Variants in PLGRKT observed in about 807,000 individuals in gnomAD.
PLGRKT encodes plasminogen receptor (KT).
In PLGRKT, 22 loss-of-function variants were observed where a neutral mutation model predicts 18.5. The ratio of observed to expected loss-of-function variants is 1.19; its 90% CI spans 0.85 to 1.70. The LOEUF (loss-of-function observed/expected upper bound fraction) is 1.70, where lower values mean the gene tolerates loss of function less well. Among genes scored for constraint, PLGRKT ranks in the 40% most tolerant of loss-of-function variants. The pLI is 0.00. For missense variants in PLGRKT, 235 were observed against 174.4 expected, an observed-to-expected ratio of 1.35 and a Z score of -1.96; for synonymous variants, 72 against 52.8, an observed-to-expected ratio of 1.36 and a Z score of -1.58.
At chr9:5,375,573 A>C (rs1330254096) in intron 3 of PLGRKT, among the ~76,000 whole-genome samples, 1 of 152,226 alleles carries the variant, frequency 6.6e-6, no homozygotes, top group Non-Finnish European at 1.5e-5. Context: ...CAAGGAAGGC[A>C]GGGAAAATAA....
chr9:5,361,251 C>A (rs1291121610), intron 4 of PLGRKT, 64 bp from the exon 5 acceptor site: 4 of 867,498 alleles, frequency 4.6e-6, no homozygotes, highest in Non-Finnish European at 7.4e-6. Flanking sequence ...TATCTGTATA[C>A]TTAAAGAAAA....
At chr9:5,402,548 C>G (rs1394804544) in intron 3 of PLGRKT, among the ~76,000 whole-genome samples, 1 of 151,888 alleles carries the variant, frequency 6.6e-6, no homozygotes. Flanking sequence ...TGGCTGATCC[C>G]CATCAGAAGC....
intron 3 of PLGRKT, among the ~76,000 whole-genome samples, chr9:5,404,787 G>T (rs1382478770): frequency 6.6e-6 from 1 of 152,126 alleles, no homozygotes; most frequent in Non-Finnish European, 1.5e-5. Context: ...GGTCAATCAG[G>T]CAAGAGAAAG....
chr9:5,399,681 A>T (rs976534906), intron 3 of PLGRKT, among the ~76,000 whole-genome samples: 16 of 151,840 alleles, frequency 1.1e-4, no homozygotes, highest in Non-Finnish European at 2.4e-4. Context: ...TAAAAATATA[A>T]GCAAAATATG....
intron 2 of PLGRKT, among the ~76,000 whole-genome samples, chr9:5,432,607 C>T (rs1818851074): frequency 6.6e-6 from 1 of 151,634 alleles, no homozygotes; most frequent in African/African-American, 2.4e-5. Context: ...CGGTGATTCT[C>T]CTGTCTCGGC....
chr9:5,361,590 C>A (rs1246979983), intron 4 of PLGRKT, among the ~76,000 whole-genome samples, 168 bp downstream of exon 4: 1 of 152,214 alleles, frequency 6.6e-6, no homozygotes, highest in Non-Finnish European at 1.5e-5. Context: ...TTAACTGTTA[C>A]TGCCTTGCTT....
chr9:5,410,552 T>G (rs554077250), intron 3 of PLGRKT, among the ~76,000 whole-genome samples: 20 of 149,398 alleles, frequency 1.3e-4, no homozygotes, highest in African/African-American at 4.9e-4. Context: ...TTAACAGAAG[T>G]CACCAAAATC....
At chr9:5,413,794 C>T (rs1818408805) in intron 3 of PLGRKT, among the ~76,000 whole-genome samples, 1 of 152,204 alleles carries the variant, frequency 6.6e-6, no homozygotes, top group Non-Finnish European at 1.5e-5. Context: ...AAAACTAATA[C>T]AGTGTACATA....
chr9:5,408,601 T>C lies in PLGRKT; in HGVS notation c.81+23296A>G, dbSNP rs575734433. Among the ~76,000 whole-genome samples the C allele has an allele frequency of 5.9e-5, 9 of 152,302 alleles. No homozygotes were observed. In the East Asian group the frequency reaches 1.5e-3, roughly 26 times the overall value. On this transcript the variant is annotated intron_variant, in intron 3 of 5. Coordinates refer to ENST00000223864, the MANE Select transcript of PLGRKT (RefSeq NM_018465.4). The stretch of plus-strand genomic sequence containing the variant: ...GTTTACAAAATTTGTAGCATAGCCA[T>C]GTGGTAGAAAAGAAAAGCCCATTTC...
At chr9:5,392,678 T>A (rs535887390) in intron 3 of PLGRKT, 1 of 152,022 alleles carries the variant, frequency 6.6e-6, no homozygotes, top group Non-Finnish European at 1.5e-5. Flanking sequence ...TAATTAGATC[T>A]CCTTACTGGG....
At chr9:5,402,635 G>A (rs2131130277) in intron 3 of PLGRKT, among the ~76,000 whole-genome samples, 1 of 152,044 alleles carries the variant, frequency 6.6e-6, no homozygotes, top group African/African-American at 2.4e-5. Flanking sequence ...ACGAGGAAGA[G>A]CAGGGTATGG....
At chr9:5,424,374 AAT>A (rs1157329608) in intron 3 of PLGRKT, among the ~76,000 whole-genome samples, 3 of 133,116 alleles carry the variant, frequency 2.3e-5, no homozygotes, top group Admixed American at 8.4e-5. Context: ...ATAATGTAAT[AAT>A]ATATAACATA....
intron 3 of PLGRKT, among the ~76,000 whole-genome samples, chr9:5,414,564 T>C (rs1818423519): frequency 6.6e-6 from 1 of 152,182 alleles, no homozygotes; most frequent in African/African-American, 2.4e-5. Context: ...GGAGAGAATA[T>C]AAATTATAAC....
intron 3 of PLGRKT, among the ~76,000 whole-genome samples, chr9:5,381,236 C>A (rs11789155): frequency 0.34 from 52,236 of 152,114 alleles, 9,146 homozygotes; most frequent in African/African-American, 0.4. Context: ...CATTTCAGAG[C>A]TGTTCGTGGC....
rs200066714 is a variant in PLGRKT, at chr9:5,381,686, A to G, written c.82-19798T>C. Among the ~76,000 whole-genome samples the G allele has an allele frequency of 4.0e-3, 606 of 152,138 alleles. 6 individuals are homozygous for G. The highest frequency in any genetic ancestry group is 0.014 in the African/African-American group (560 of 41,478). On this transcript the variant is annotated intron_variant, in intron 3 of 5. Coordinates refer to ENST00000223864, the MANE Select transcript of PLGRKT (RefSeq NM_018465.4). The stretch of plus-strand genomic sequence containing the variant: ...GCAGAGATCTAAAACACGCTTTAAA[A>G]GGGGTCACCTCTTGGGAGGAGATGA...
At chr9:5,399,514 T>A (rs1192450102) in intron 3 of PLGRKT, among the ~76,000 whole-genome samples, 1 of 151,812 alleles carries the variant, frequency 6.6e-6, no homozygotes, top group Non-Finnish European at 1.5e-5. Flanking sequence ...AGTTAGTGAA[T>A]ATGAAAGCTC....
At chr9:5,371,312 A>G (rs1817510474) in intron 3 of PLGRKT, among the ~76,000 whole-genome samples, 1 of 152,304 alleles carries the variant, frequency 6.6e-6, no homozygotes, top group Non-Finnish European at 1.5e-5. Context: ...TTCTGATATG[A>G]TTTGGCTGTG....
At chr9:5,359,685 TAAGTTTTCTG>T (rs1817220233) in intron 5 of PLGRKT, among the ~76,000 whole-genome samples, 1 of 152,210 alleles carries the variant, frequency 6.6e-6, no homozygotes, top group African/African-American at 2.4e-5. Context: ...TCTAATGTGA[TAAGTTTTCTG>T]ATGAATTTGA....
chr9:5,375,385 G>C (rs986643006), intron 3 of PLGRKT, among the ~76,000 whole-genome samples: 1 of 152,138 alleles, frequency 6.6e-6, no homozygotes, highest in Non-Finnish European at 1.5e-5. Flanking sequence ...GAGCTTCCAG[G>C]AACAATGCAG....
Sources: gnomAD v4.1 joint callset for allele counts (sites outside exome capture counted in the v4.1 genomes callset) on GRCh38, gnomAD v4.1.1 for gene constraint, MANE v1.5 for transcripts, NCBI Gene and HGNC (gene_info 2026-07-23, HGNC 2026-07-21) for gene names.